LRRC4C: variants seen among roughly 807,000 people sequenced by gnomAD.
The protein encoded by LRRC4C is leucine rich repeat containing 4C.
LRRC4C carries 5 observed loss-of-function variants against 33.6 expected under a neutral mutation model. The ratio of observed to expected loss-of-function variants is 0.15; its 90% CI spans 0.08 to 0.31. LRRC4C has a LOEUF of 0.31. LRRC4C is among the 10% of genes least tolerant of loss of function. The probability of loss-of-function intolerance (pLI) is 1.00; values close to 1 mark genes in which losing one functional copy is unlikely to be tolerated. For synonymous variants in LRRC4C, 329 were observed against 302.0 expected (o/e 1.09, Z -0.93); for missense variants, 560 against 796.7 (o/e 0.70, Z 3.58).
intron 4 of LRRC4C, among the ~76,000 whole-genome samples, chr11:40,290,589 C>A (rs1944128073): frequency 6.6e-6 from 1 of 152,176 alleles, no homozygotes; most frequent in African/African-American, 2.4e-5. Flanking sequence ...TAATATAAAT[C>A]TAACTCTACA....
chr11:40,376,713 G>A lies in LRRC4C; in HGVS notation c.-269-56992C>T, dbSNP rs372678588. Among the ~76,000 whole-genome samples, 228 of 148,628 alleles carry A rather than the reference G, an allele frequency of 1.5e-3. 1 individual carries two copies. The highest frequency in any genetic ancestry group is 5.5e-3 in the African/African-American group (218 of 39,330). On this transcript the variant is annotated intron_variant, in intron 3 of 6. Transcript: ENST00000528697. ...AGGGACAGTGTAAGCATATCAATGT[G>A]TGTGCTTATGTGTGTGTGTGTGTGT...
chr11:41,449,892 C>T (rs1404797647), intron 1 of LRRC4C, among the ~76,000 whole-genome samples: 2 of 151,920 alleles, frequency 1.3e-5, no homozygotes. Context: ...AGATTCTAAG[C>T]CAAGAAAAAT....
intron 2 of LRRC4C, among the ~76,000 whole-genome samples, chr11:40,726,970 A>T (rs1028978143): frequency 6.6e-6 from 1 of 152,204 alleles, no homozygotes; most frequent in Non-Finnish European, 1.5e-5. Context: ...TAATTTTGAA[A>T]CTGAGAGCCA....
intron 5 of LRRC4C, among the ~76,000 whole-genome samples, chr11:40,213,708 A>G (rs1863774649): frequency 6.6e-6 from 1 of 152,158 alleles, no homozygotes; most frequent in Admixed American, 6.5e-5. Context: ...GAGAGCTCAG[A>G]CAGATTTCAT....
rs141267297 is a variant in LRRC4C, at chr11:40,824,822, G to A, written c.-407+108813C>T. 1.5e-3 allele frequency among the ~76,000 whole-genome samples: 232 copies of A among 152,062 alleles called. 2 individuals carry two copies. The highest frequency in any genetic ancestry group is 5.4e-3 in the African/African-American group (224 of 41,504). ...CTATCTATCTACTGAGCTGGTCATA[G>A]TATCCTCCTCTTGGCGACAGAGAGA... On this transcript the variant is annotated intron_variant, in intron 2 of 6. Coordinates refer to ENST00000528697, the MANE Select transcript of LRRC4C (RefSeq NM_001258419.2).
At chr11:41,324,299 A>T (rs1263873604) in intron 1 of LRRC4C, among the ~76,000 whole-genome samples, 1 of 152,100 alleles carries the variant, frequency 6.6e-6, no homozygotes, top group Non-Finnish European at 1.5e-5. Flanking sequence ...GTGTGGTGGC[A>T]TGTGCCTGTA....
intron 4 of LRRC4C, among the ~76,000 whole-genome samples, chr11:40,310,851 A>G (rs929117186): frequency 1.3e-5 from 2 of 152,232 alleles, no homozygotes; most frequent in African/African-American, 4.8e-5. Context: ...TCATTTCCAA[A>G]GACTGGGTCC....
At chr11:41,064,356 C>T (rs963071633) in intron 1 of LRRC4C, among the ~76,000 whole-genome samples, 2 of 152,094 alleles carry the variant, frequency 1.3e-5, no homozygotes, top group African/African-American at 4.8e-5. Context: ...AGTTCTGGTA[C>T]AACATGTGTC....
intron 2 of LRRC4C, among the ~76,000 whole-genome samples, chr11:40,858,342 G>A (rs1234786818): frequency 6.6e-6 from 1 of 151,992 alleles, no homozygotes. Flanking sequence ...GAAATAATAT[G>A]ATTTTTGACT....
chr11:41,386,888 T>C lies in LRRC4C; in HGVS notation c.-496+72543A>G, dbSNP rs1409470419. The stretch of plus-strand genomic sequence containing the variant: ...CTTTATTCTTTTGTCTTTATTCCTT[T>C]GTGTAACAGGAAATGATCAGAACAA... On this transcript the variant is annotated intron_variant, in intron 1 of 6. Coordinates refer to ENST00000528697, the MANE Select transcript of LRRC4C (RefSeq NM_001258419.2). Among the ~76,000 whole-genome samples the C allele has an allele frequency of 2.6e-5, 4 of 151,892 alleles. No individual in the cohort carries two copies. The East Asian group carries it at 5.8e-4, about 22-fold the overall frequency.
At chr11:40,763,099 A>G (rs77434981) in intron 2 of LRRC4C, among the ~76,000 whole-genome samples, 18,173 of 149,620 alleles carry the variant, frequency 0.12, 1,492 homozygotes, top group East Asian at 0.4. Flanking sequence ...ATATGTATAT[A>G]TATATATTTA....
intron 2 of LRRC4C, among the ~76,000 whole-genome samples, chr11:40,718,325 G>A (rs1232413027): frequency 7.2e-5 from 11 of 152,112 alleles, no homozygotes; most frequent in Admixed American, 6.6e-4. Flanking sequence ...CAATGCATAG[G>A]ACAGCCTTCC....
chr11:41,422,558 C>G (rs765661783), intron 1 of LRRC4C, among the ~76,000 whole-genome samples: 7 of 151,978 alleles, frequency 4.6e-5, no homozygotes, highest in Non-Finnish European at 8.8e-5. Flanking sequence ...GATGGAAGGA[C>G]CTGAGTCTTT....
intron 5 of LRRC4C, among the ~76,000 whole-genome samples, chr11:40,190,460 T>C (rs1055220370): frequency 3.3e-5 from 5 of 152,208 alleles, no homozygotes; most frequent in Non-Finnish European, 7.3e-5. Flanking sequence ...TATGTCCTCA[T>C]GCCATCACCA....
intron 1 of LRRC4C, among the ~76,000 whole-genome samples, chr11:41,456,447 C>G (rs1302797239): frequency 1.3e-5 from 2 of 151,916 alleles, no homozygotes; most frequent in African/African-American, 4.8e-5. Flanking sequence ...AGGGAAAGAG[C>G]TATTCATGTG....
chr11:40,546,536 T>C (rs1956932488), intron 3 of LRRC4C, among the ~76,000 whole-genome samples: 1 of 152,042 alleles, frequency 6.6e-6, no homozygotes, highest in South Asian at 2.1e-4. Flanking sequence ...ATCATTAATA[T>C]CATTGCCATT....
At chr11:40,569,623 C>T (rs150419172) in intron 3 of LRRC4C, among the ~76,000 whole-genome samples, 3,047 of 151,992 alleles carry the variant, frequency 0.02, 63 homozygotes, top group Admixed American at 0.054. Flanking sequence ...CTATAAAATG[C>T]GACTAGCACT....
intron 3 of LRRC4C, among the ~76,000 whole-genome samples, chr11:40,402,661 A>T (rs16934795): frequency 0.016 from 2,380 of 152,198 alleles, 68 homozygotes; most frequent in African/African-American, 0.054. Context: ...ACAATAATCA[A>T]TTCAAGACCA....
Position 40,809,408 on chromosome 11 carries a change from C to A in LRRC4C, c.-407+124227G>T, listed in dbSNP as rs141465284. Among the ~76,000 whole-genome samples, 1,037 of 152,230 alleles carry A rather than the reference C, an allele frequency of 6.8e-3. 14 individuals are homozygous for A. The highest frequency in any genetic ancestry group is 0.017 in the African/African-American group (710 of 41,546). On this transcript the variant is annotated intron_variant, in intron 2 of 6. Transcript: ENST00000528697. ...TTTTCACACAGATATCACTATTTCT[C>A]AATATTATTTGTCATATTTTTGTTC...
Sources: gnomAD v4.1 joint callset for allele counts (sites outside exome capture counted in the v4.1 genomes callset) on GRCh38, gnomAD v4.1.1 for gene constraint, MANE v1.5 for transcripts, NCBI Gene and HGNC (gene_info 2026-07-23, HGNC 2026-07-21) for gene names.